Variants in CEP135 observed in about 807,000 individuals in gnomAD.
CEP135 encodes centrosomal protein of 135 kDa.
Under a neutral mutation model 157.3 loss-of-function variants are expected in CEP135, and 142 were observed. The observed-to-expected ratio is 0.90, with a 90% CI of 0.79 to 1.04. CEP135 has a LOEUF of 1.04. CEP135 is among the 50% of genes least tolerant of loss of function. CEP135 has a pLI of 0.00. For missense variants in CEP135, 1,317 were observed against 1,309.2 expected (o/e 1.01, Z -0.09); for synonymous variants, 396 against 439.8 (o/e 0.90, Z 1.25).
chr4:55,986,688 T>A (rs1209789843), intron 14 of CEP135, among the ~76,000 whole-genome samples: 1 of 152,228 alleles, frequency 6.6e-6, no homozygotes, highest in African/African-American at 2.4e-5. Flanking sequence ...GATTCAGGGG[T>A]ACATGTACAG....
intron 25 of CEP135, among the ~76,000 whole-genome samples, chr4:56,028,573 G>T (rs1731228305): frequency 6.6e-6 from 1 of 151,074 alleles, no homozygotes; most frequent in Non-Finnish European, 1.5e-5. Flanking sequence ...CTAATTTTAA[G>T]GGATTTCCCC....
chr4:56,006,009 A>G (rs2109724235), intron 17 of CEP135, among the ~76,000 whole-genome samples: 1 of 152,220 alleles, frequency 6.6e-6, no homozygotes, highest in South Asian at 2.1e-4. Context: ...TCTTGCTTTT[A>G]GGATCCTATC....
In CEP135 at chr4:56,016,273, C is replaced by T. The variant is rs552473464; in HGVS notation, c.2803-1375C>T. ...CACCCACATTTTGGACTTCCAGCCT[C>T]CAGAACTGTGAAAGGATGAATTTTT... is the stretch of plus-strand genomic sequence containing the variant. On this transcript the variant is annotated intron_variant, in intron 21 of 25. Transcript: ENST00000257287. Among the ~76,000 whole-genome samples, 4 of 152,236 alleles carry T rather than the reference C, an allele frequency of 2.6e-5. 1 individual carries two copies. The highest frequency in any genetic ancestry group is 9.6e-5 in the African/African-American group (4 of 41,534).
At chr4:56,007,749 AGAGAAGGGG>A (rs1396733614) in intron 17 of CEP135, among the ~76,000 whole-genome samples, 28 of 152,258 alleles carry the variant, frequency 1.8e-4, no homozygotes, top group African/African-American at 6.5e-4. Flanking sequence ...AGCCAGATTG[AGAGAAGGGG>A]CATCACAGGT....
At chr4:55,949,422 T>C (rs1560393039) in intron 1 of CEP135, among the ~76,000 whole-genome samples, 1 of 152,264 alleles carries the variant, frequency 6.6e-6, no homozygotes, top group African/African-American at 2.4e-5. Flanking sequence ...TCATCCATGC[T>C]CTTTGTAACA....
At chr4:55,980,974 G>T (rs180973957) in intron 12 of CEP135, among the ~76,000 whole-genome samples, 1 of 152,102 alleles carries the variant, frequency 6.6e-6, no homozygotes, top group East Asian at 1.9e-4. Flanking sequence ...GCTTTCTTGG[G>T]TCTGCCTAGT....
intron 17 of CEP135, among the ~76,000 whole-genome samples, chr4:56,001,148 G>C (rs551003000): frequency 3.5e-4 from 53 of 152,106 alleles, no homozygotes; most frequent in Middle Eastern, 3.4e-3. Context: ...TGTATGTTCT[G>C]GTTATTAATC....
rs757763255 is a variant in CEP135, at chr4:55,991,920, T to A, written c.1858-14T>A. ...TTAAGATATATACCTACTGTTTTTT[T>A]ATTTAAATTATAGCTTGAAAGCGAA... On this transcript the variant is annotated splice_polypyrimidine_tract_variant and intron_variant, in intron 14 of 25. Transcript: ENST00000257287. 9.0e-6 allele frequency: 12 copies of A among 1,339,920 alleles called. No homozygotes were observed. In the Admixed American group the frequency reaches 1.2e-4, roughly 14 times the overall value. 83.0% of individuals were successfully genotyped at this position (1,339,920 alleles called of 1,614,324 possible).
At chr4:56,025,802 G>A (rs1218315256) in intron 25 of CEP135, among the ~76,000 whole-genome samples, 1 of 151,424 alleles carries the variant, frequency 6.6e-6, no homozygotes, top group Non-Finnish European at 1.5e-5. Flanking sequence ...AATTTTTAAA[G>A]TAAACCATGA....
rs1228959777 is a variant in CEP135, at chr4:56,033,116, G to T, written c.*1768G>T. 1 of 151,830 alleles carries T rather than the reference G, an allele frequency of 6.6e-6. No homozygotes were observed. Among genetic ancestry groups the T allele is most frequent in the East Asian group, 1.9e-4 (1 of 5,200 alleles). 9.4% of individuals were successfully genotyped at this position (151,830 alleles called of 1,614,324 possible). A position where few individuals can be genotyped will look rare whatever the true frequency, so the allele number is the denominator to read the frequency against. On this transcript the variant is annotated 3_prime_UTR_variant, in exon 26 of 26. Transcript: ENST00000257287. Reference sequence around the variant, plus strand: ...TATGTAAATAAAATAAAAAATATTTGTCTCCACCTTTTCCCCAAAAGCAAC... The same window carrying T: ...TATGTAAATAAAATAAAAAATATTTTTCTCCACCTTTTCCCCAAAAGCAAC...
chr4:56,026,372 T>G (rs2109754579), intron 25 of CEP135, among the ~76,000 whole-genome samples: 1 of 152,298 alleles, frequency 6.6e-6, no homozygotes, highest in Admixed American at 6.5e-5. Context: ...AGCCCTGGTC[T>G]AAAAGTAACT....
chr4:55,957,210 T>A lies in CEP135; in HGVS notation c.473-13T>A. ...GTTTCTTCTTAGTTTTTTAAGACACTCATTCTTTTTAGGTGGCAAGAAAAG... is the reference window on the plus strand; with the variant it reads ...GTTTCTTCTTAGTTTTTTAAGACACACATTCTTTTTAGGTGGCAAGAAAAG... On this transcript the variant is annotated splice_polypyrimidine_tract_variant and intron_variant, in intron 4 of 25. Coordinates refer to ENST00000257287, the MANE Select transcript of CEP135 (RefSeq NM_025009.5). 6.2e-7 allele frequency: 1 copy of A among 1,610,042 alleles called. No individual in the cohort carries two copies. Among genetic ancestry groups the A allele is most frequent in the Non-Finnish European group, 8.5e-7 (1 of 1,178,986 alleles).
chr4:55,985,299 CT>C lies in CEP135; in HGVS notation c.1803del (p.Phe601LeufsTer6). The C allele has an allele frequency of 6.3e-7, 1 of 1,585,468 alleles. No individual in the cohort carries two copies. Among genetic ancestry groups the C allele is most frequent in the Non-Finnish European group, 8.6e-7 (1 of 1,156,186 alleles). ...EKLEHIEEVS[L>X]FGKSELEKTI... ...TTTTCAGCATATTGAAGAAGTGAGT[CT>C]TTTTGGAAAATCAGAATTAGAGAAA... On this transcript the variant is annotated frameshift_variant, in exon 14 of 26. Transcript: ENST00000257287. LOFTEE classifies it high-confidence loss of function.
intron 17 of CEP135, among the ~76,000 whole-genome samples, 179 bp downstream of exon 17, chr4:55,999,824 C>T (rs1004437532): frequency 1.3e-5 from 2 of 151,948 alleles, no homozygotes; most frequent in East Asian, 3.9e-4. Flanking sequence ...ATTGGAATTA[C>T]AGGCATGAGC....
At chr4:56,011,357 A>C in intron 19 of CEP135, 55 bp from the exon 20 acceptor site, 1 of 1,158,450 alleles carries the variant, frequency 8.6e-7, no homozygotes. Flanking sequence ...AATATAAATA[A>C]AATTTATTTG....
intron 1 of CEP135, among the ~76,000 whole-genome samples, chr4:55,949,748 T>C (rs766586155): frequency 5.3e-5 from 8 of 152,236 alleles, no homozygotes; most frequent in Non-Finnish European, 1.2e-4. Context: ...TGCTAGAAAC[T>C]TAGAGTATAG....
intron 14 of CEP135, among the ~76,000 whole-genome samples, chr4:55,986,446 G>GT: frequency 6.6e-6 from 1 of 152,282 alleles, no homozygotes; most frequent in South Asian, 2.1e-4. Context: ...GGAGGCTGAA[G>GT]TAAGAGGATC....
intron 3 of CEP135, 88 bp from the exon 4 acceptor site, chr4:55,954,128 G>A: frequency 1.6e-6 from 2 of 1,217,256 alleles, no homozygotes; most frequent in Non-Finnish European, 2.3e-6. Context: ...CTTTTAAATT[G>A]ATATGACTTT....
intron 20 of CEP135, 51 bp downstream of exon 20, chr4:56,011,573 T>A (rs755734250): frequency 9.5e-6 from 12 of 1,262,264 alleles, no homozygotes; most frequent in African/African-American, 1.5e-5. Flanking sequence ...TTTTTTTTTT[T>A]AACTTTTTCA....
Sources: gnomAD v4.1 joint callset for allele counts (sites outside exome capture counted in the v4.1 genomes callset) on GRCh38, gnomAD v4.1.1 for gene constraint, MANE v1.5 for transcripts, NCBI Gene and HGNC (gene_info 2026-07-23, HGNC 2026-07-21) for gene names.